SLIT2: variants seen among roughly 807,000 people sequenced by gnomAD.
The protein encoded by SLIT2 is slit homolog 2 protein.
Under a neutral mutation model 185.7 loss-of-function variants are expected in SLIT2, and 41 were observed. That is an observed-to-expected ratio of 0.22 (90% CI 0.17 to 0.29). The LOEUF (loss-of-function observed/expected upper bound fraction) is 0.29. Among genes scored for constraint, SLIT2 ranks in the 10% least tolerant of loss-of-function variants. The pLI, the probability that SLIT2 is intolerant of heterozygous loss-of-function variation, is 1.00. For missense variants in SLIT2, 1,571 were observed against 1,909.0 expected (o/e 0.82, Z 3.30); for synonymous variants, 693 against 680.2 (o/e 1.02, Z -0.29).
chr4:20,305,451 A>G (rs1001193266), intron 4 of SLIT2, among the ~76,000 whole-genome samples: 2 of 152,208 alleles, frequency 1.3e-5, no homozygotes, highest in Non-Finnish European at 2.9e-5. Flanking sequence ...ATAAAACACC[A>G]TGTATGGGAA....
chr4:20,376,115 CTTTTTTTTTTTTT>C lies in SLIT2; in HGVS notation c.396-91623_396-91611del, dbSNP rs71653881. Among the ~76,000 whole-genome samples the C allele has an allele frequency of 3.4e-4, 27 of 79,666 alleles. No individual in the cohort carries two copies. In the East Asian group the frequency reaches 9.6e-3, roughly 28 times the overall value. 52.3% of individuals were successfully genotyped at this position (79,666 alleles called of 152,430 possible). ...CAATGAGAAGAATATCATTGTTTAA[CTTTTTTTTTTTTT>C]TTTTTTTTTTTTTACAAATCTCTTT... is the stretch of plus-strand genomic sequence containing the variant. On this transcript the variant is annotated intron_variant, in intron 4 of 36. Transcript: ENST00000504154.
intron 5 of SLIT2, among the ~76,000 whole-genome samples, chr4:20,479,647 G>A (rs79011919): frequency 0.042 from 6,295 of 151,554 alleles, 190 homozygotes; most frequent in African/African-American, 0.072. Flanking sequence ...AAAAGAGTGT[G>A]GTACAGATAC....
intron 4 of SLIT2, among the ~76,000 whole-genome samples, chr4:20,357,613 T>C (rs980250140): frequency 3.9e-5 from 6 of 152,058 alleles, no homozygotes; most frequent in African/African-American, 1.2e-4. Flanking sequence ...GTAGGTAGTC[T>C]TTTTCTTTTG....
intron 4 of SLIT2, among the ~76,000 whole-genome samples, chr4:20,342,717 CT>C (rs11373611): frequency 3.1e-3 from 218 of 69,646 alleles, no homozygotes; most frequent in African/African-American, 0.011. Context: ...GACTATCGCA[CT>C]TTTTTTTTTT....
At chr4:20,401,241 CT>C (rs891276294) in intron 4 of SLIT2, among the ~76,000 whole-genome samples, 48 of 151,984 alleles carry the variant, frequency 3.2e-4, no homozygotes, top group African/African-American at 1.1e-3. Context: ...AGGACACTGT[CT>C]TGAAAGAACG....
intron 4 of SLIT2, among the ~76,000 whole-genome samples, chr4:20,381,498 A>G (rs940801982): frequency 2.0e-5 from 3 of 152,176 alleles, no homozygotes; most frequent in Admixed American, 1.3e-4. Flanking sequence ...AGTTTGAACA[A>G]CTTCTGATTT....
chr4:20,338,904 A>G (rs1211019506), intron 4 of SLIT2, among the ~76,000 whole-genome samples: 1 of 151,840 alleles, frequency 6.6e-6, no homozygotes, highest in Non-Finnish European at 1.5e-5. Context: ...TCAGCCTGGG[A>G]AACAGAGAGA....
At chr4:20,361,948 A>T (rs1456687953) in intron 4 of SLIT2, among the ~76,000 whole-genome samples, 1 of 152,146 alleles carries the variant, frequency 6.6e-6, no homozygotes, top group East Asian at 1.9e-4. Flanking sequence ...AATTCAAAAA[A>T]GTTTAAAATT....
chr4:20,257,344 T>C (rs1416623276), intron 2 of SLIT2, among the ~76,000 whole-genome samples: 2 of 152,074 alleles, frequency 1.3e-5, no homozygotes, highest in African/African-American at 4.8e-5. Flanking sequence ...CAATGTAATG[T>C]TAAATTGTTC....
intron 4 of SLIT2, among the ~76,000 whole-genome samples, chr4:20,381,628 C>A (rs1319572553): frequency 6.6e-6 from 1 of 152,048 alleles, no homozygotes; most frequent in Non-Finnish European, 1.5e-5. Context: ...TGTAGTATAA[C>A]CTGTATTGAT....
At chr4:20,332,099 T>C (rs12503652) in intron 4 of SLIT2, among the ~76,000 whole-genome samples, 15,304 of 152,218 alleles carry the variant, frequency 0.1, 924 homozygotes, top group African/African-American at 0.17. Context: ...TGTTGAACTT[T>C]TGTGTAGAAG....
At chr4:20,607,055 T>C (rs1346918125) in intron 33 of SLIT2, among the ~76,000 whole-genome samples, 1 of 152,226 alleles carries the variant, frequency 6.6e-6, no homozygotes, top group African/African-American at 2.4e-5. Flanking sequence ...TTGGATGTCC[T>C]CAGTGCTCAC....
intron 5 of SLIT2, among the ~76,000 whole-genome samples, chr4:20,470,879 G>A (rs542144798): frequency 1.3e-5 from 2 of 152,168 alleles, no homozygotes; most frequent in Non-Finnish European, 2.9e-5. Context: ...TTTTTTAAAG[G>A]CAAAGCAGTA....
chr4:20,445,432 TA>T (rs1711654283), intron 4 of SLIT2, among the ~76,000 whole-genome samples: 1 of 152,210 alleles, frequency 6.6e-6, no homozygotes, highest in Non-Finnish European at 1.5e-5. Flanking sequence ...AGAAGACGTT[TA>T]AAAGGATATA....
chr4:20,532,678 T>G (rs1721914489), intron 17 of SLIT2, among the ~76,000 whole-genome samples: 1 of 152,140 alleles, frequency 6.6e-6, no homozygotes, highest in African/African-American at 2.4e-5. Context: ...TCAGCTCACT[T>G]TAGCTGTGTG....
intron 29 of SLIT2, among the ~76,000 whole-genome samples, chr4:20,572,703 T>C (rs1239540572): frequency 2.6e-5 from 4 of 152,216 alleles, no homozygotes; most frequent in Non-Finnish European, 5.9e-5. Context: ...CTGGATCTGC[T>C]GTATCAAGAC....
chr4:20,319,836 T>TCCCCAAACCAAAACAC (rs1292893716), intron 4 of SLIT2, among the ~76,000 whole-genome samples: 1 of 150,876 alleles, frequency 6.6e-6, no homozygotes, highest in Non-Finnish European at 1.5e-5. Context: ...AACCATAACA[T>TCCCCAAACCAAAACAC]CCCCAAACCA....
intron 22 of SLIT2, among the ~76,000 whole-genome samples, chr4:20,547,043 G>T (rs1230667198): frequency 6.6e-6 from 1 of 151,988 alleles, no homozygotes; most frequent in Non-Finnish European, 1.5e-5. Flanking sequence ...AATATTACAT[G>T]CCCCAATGTA....
intron 4 of SLIT2, among the ~76,000 whole-genome samples, chr4:20,457,265 T>C (rs1370287872): frequency 2.0e-5 from 3 of 152,004 alleles, no homozygotes; most frequent in Non-Finnish European, 4.4e-5. Flanking sequence ...AGGCAGCTAA[T>C]GATTACAATC....
Sources: allele counts gnomAD v4.1 joint callset (sites outside exome capture counted in the v4.1 genomes callset), GRCh38; gene constraint gnomAD v4.1.1; transcripts MANE v1.5; gene names NCBI Gene and HGNC (gene_info 2026-07-23, HGNC 2026-07-21).